Variants in CCDC178 observed in about 807,000 individuals in gnomAD.
CCDC178 encodes coiled-coil domain containing 178.
Under a neutral mutation model 117.4 loss-of-function variants are expected in CCDC178, and 126 were observed. The observed-to-expected ratio is 1.07, with a 90% CI of 0.93 to 1.24. CCDC178 has a LOEUF of 1.24. CCDC178 is among the 50% of genes most tolerant of loss of function. The pLI, the probability that CCDC178 is intolerant of heterozygous loss-of-function variation, is 0.00. For synonymous variants in CCDC178, 283 were observed against 313.4 expected (o/e 0.90, Z 1.02); for missense variants, 1,030 against 986.9 (o/e 1.04, Z -0.59).
rs34061876 is a variant in CCDC178, at chr18:33,267,186, G to GA, written c.1272+15dup. ...AAATGGCGTTCTAAGTGGGAAGTAG[G>GA]AAAAAATCAACTTACTGCAGCATAA... On this transcript the variant is annotated intron_variant, in intron 13 of 22. Transcript: ENST00000383096. 4.4e-6 allele frequency: 7 copies of GA among 1,573,092 alleles called. No individual in the cohort carries two copies. In the East Asian group the frequency reaches 6.8e-5, roughly 15 times the overall value.
At chr18:33,346,525 G>C in intron 8 of CCDC178, 114 bp from the exon 9 acceptor site, 2 of 462,928 alleles carry the variant, frequency 4.3e-6, no homozygotes, top group East Asian at 7.4e-5. Flanking sequence ...ATAAGAGAAT[G>C]TTAGAAAAAT....
At chr18:33,025,505 A>C (rs1361804295) in intron 21 of CCDC178, among the ~76,000 whole-genome samples, 1 of 152,210 alleles carries the variant, frequency 6.6e-6, no homozygotes, top group Non-Finnish European at 1.5e-5. Context: ...CACCTGAAAA[A>C]AAGACTAGGC....
chr18:33,391,656 A>C (rs1469264500), intron 4 of CCDC178, among the ~76,000 whole-genome samples: 1 of 152,178 alleles, frequency 6.6e-6, no homozygotes, highest in African/African-American at 2.4e-5. Flanking sequence ...TATATTTCCA[A>C]ATAACAAATG....
intron 11 of CCDC178, among the ~76,000 whole-genome samples, chr18:33,299,512 C>CAA (rs2062148881): frequency 6.6e-6 from 1 of 151,134 alleles, no homozygotes; most frequent in Non-Finnish European, 1.5e-5. Flanking sequence ...AACACACACA[C>CAA]ACACACACAC....
chr18:33,229,971 G>C (rs1296332501), intron 15 of CCDC178, among the ~76,000 whole-genome samples: 4 of 152,106 alleles, frequency 2.6e-5, no homozygotes, highest in Non-Finnish European at 2.9e-5. Flanking sequence ...AGGGTTAAAT[G>C]AGTTCAAATT....
At chr18:32,971,359 T>C (rs1291914614) in intron 22 of CCDC178, among the ~76,000 whole-genome samples, 1 of 152,180 alleles carries the variant, frequency 6.6e-6, no homozygotes, top group Non-Finnish European at 1.5e-5. Flanking sequence ...GATCTCATTC[T>C]TTTTTATGGC....
At chr18:33,183,346 T>C (rs2058752835) in intron 20 of CCDC178, among the ~76,000 whole-genome samples, 2 of 146,930 alleles carry the variant, frequency 1.4e-5, no homozygotes, top group African/African-American at 5.1e-5. Context: ...ACTAATGTAT[T>C]CTTGATCACC....
At chr18:33,300,599 T>C (rs537423590) in intron 11 of CCDC178, among the ~76,000 whole-genome samples, 124 of 152,316 alleles carry the variant, frequency 8.1e-4, no homozygotes, top group African/African-American at 3.0e-3. Flanking sequence ...GAGGAAGCTA[T>C]TGGGAACTGG....
intron 22 of CCDC178, among the ~76,000 whole-genome samples, chr18:32,969,807 T>C (rs897832562): frequency 3.9e-5 from 6 of 152,166 alleles, no homozygotes; most frequent in African/African-American, 1.2e-4. Flanking sequence ...ACCACATTCA[T>C]ATGCTGTAGC....
intron 20 of CCDC178, among the ~76,000 whole-genome samples, chr18:33,140,429 T>C (rs1226864768): frequency 6.6e-6 from 1 of 152,114 alleles, no homozygotes; most frequent in Non-Finnish European, 1.5e-5. Flanking sequence ...TGCAAAGCCA[T>C]AGGGACGGAG....
chr18:33,433,219 C>T (rs1234037206), intron 2 of CCDC178, among the ~76,000 whole-genome samples: 1 of 152,118 alleles, frequency 6.6e-6, no homozygotes, highest in Admixed American at 6.5e-5. Flanking sequence ...AAAAGGATAT[C>T]CATGCATTGG....
chr18:33,221,571 C>CT (rs2059234898), intron 18 of CCDC178, among the ~76,000 whole-genome samples: 1 of 151,996 alleles, frequency 6.6e-6, no homozygotes, highest in African/African-American at 2.4e-5. Flanking sequence ...GTCACAGTGT[C>CT]CTTTATAAAA....
chr18:33,356,618 C>T (rs757991970), intron 6 of CCDC178, among the ~76,000 whole-genome samples: 15 of 152,080 alleles, frequency 9.9e-5, no homozygotes, highest in Middle Eastern at 3.4e-3. Flanking sequence ...AGACATGCCT[C>T]ATTATAACCT....
intron 21 of CCDC178, among the ~76,000 whole-genome samples, chr18:33,032,734 G>A (rs2056368249): frequency 1.3e-5 from 2 of 152,080 alleles, no homozygotes; most frequent in African/African-American, 2.4e-5. Flanking sequence ...GAATCTGGAA[G>A]TATTTTAGTT....
Position 33,114,758 on chromosome 18 carries a change from C to A in CCDC178, c.2239-21848G>T, listed in dbSNP as rs569198515. On this transcript the variant is annotated intron_variant, in intron 20 of 22. Coordinates refer to ENST00000383096, the MANE Select transcript of CCDC178 (RefSeq NM_001105528.4). ...TTATTTAAAGGAAACTCAGCAAAGGCAGAGTCAAATACACTGTTCATTCTT... is the reference window on the plus strand; with the variant it reads ...TTATTTAAAGGAAACTCAGCAAAGGAAGAGTCAAATACACTGTTCATTCTT... 5.3e-5 allele frequency among the ~76,000 whole-genome samples: 8 copies of A among 152,092 alleles called. No homozygotes were observed. In the South Asian group the frequency reaches 6.2e-4, roughly 12 times the overall value.
intron 21 of CCDC178, among the ~76,000 whole-genome samples, chr18:33,077,046 A>C (rs1248642696): frequency 6.6e-6 from 1 of 152,202 alleles, no homozygotes; most frequent in Non-Finnish European, 1.5e-5. Context: ...TAACACCATA[A>C]ACTCTCTCTC....
At chr18:33,365,874 A>T (rs4621052) in intron 6 of CCDC178, among the ~76,000 whole-genome samples, 15 of 151,990 alleles carry the variant, frequency 9.9e-5, no homozygotes, top group African/African-American at 2.2e-4. Flanking sequence ...GAAGATATTC[A>T]GATGATTATT....
chr18:33,211,979 CTTT>C lies in CCDC178; in HGVS notation c.2152_2154del (p.Lys718del). On this transcript the variant is annotated inframe_deletion, in exon 20 of 23. Coordinates refer to ENST00000383096, the MANE Select transcript of CCDC178 (RefSeq NM_001105528.4). ...TCCTCAAAGATTCTCTCTTCACAGT[CTTT>C]TTTCTCTTGCATATAATGATCAAAC... 1 of 1,609,412 alleles carries C rather than the reference CTTT, an allele frequency of 6.2e-7. No homozygotes were observed. Among genetic ancestry groups the C allele is most frequent in the Non-Finnish European group, 8.5e-7 (1 of 1,177,258 alleles).
At chr18:32,974,850 T>C (rs1236363422) in intron 21 of CCDC178, among the ~76,000 whole-genome samples, 169 bp from the exon 22 acceptor site, 4 of 152,152 alleles carry the variant, frequency 2.6e-5, no homozygotes, top group African/African-American at 4.8e-5. Flanking sequence ...AGCCCACTCA[T>C]GTGCATTCAT....
Sources: allele counts gnomAD v4.1 joint callset (sites outside exome capture counted in the v4.1 genomes callset), GRCh38; gene constraint gnomAD v4.1.1; transcripts MANE v1.5; gene names NCBI Gene and HGNC (gene_info 2026-07-23, HGNC 2026-07-21).